The following DNMBP variants were observed in gnomAD, a reference collection of about 807,000 sequenced individuals.
DNMBP encodes the protein dynamin-binding protein.
Under a neutral mutation model 150.0 loss-of-function variants are expected in DNMBP, and 87 were observed. That is an observed-to-expected ratio of 0.58 (90% confidence interval 0.49 to 0.69). The LOEUF is 0.69. Ranked by LOEUF, DNMBP falls within the 30% of genes least tolerant of loss-of-function variation. The pLI is 0.00. For synonymous variants in DNMBP, 711 were observed against 750.4 expected (o/e 0.95, Z 0.86); for missense variants, 1,774 against 1,949.0 (o/e 0.91, Z 1.69).
At chr10:99,915,126 T>C (rs1367423132) in intron 4 of DNMBP, among the ~76,000 whole-genome samples, 1 of 140,278 alleles carries the variant, frequency 7.1e-6, no homozygotes. Flanking sequence ...TATATATATA[T>C]ATACACACAC....
chr10:99,947,936 C>T (rs1170182868), intron 4 of DNMBP, among the ~76,000 whole-genome samples: 4 of 152,036 alleles, frequency 2.6e-5, no homozygotes, highest in Admixed American at 6.6e-5. Context: ...TATATGGAAG[C>T]TCTTATTTTT....
At chr10:99,930,578 T>A (rs1234814456) in intron 4 of DNMBP, 2 of 702,942 alleles carry the variant, frequency 2.8e-6, no homozygotes, top group Admixed American at 4.0e-5. Flanking sequence ...AATCCCTTTT[T>A]CTGTAGGGCT....
In DNMBP at chr10:99,886,600, G is replaced by C. The variant is rs35277675; in HGVS notation, c.3318C>G (p.Pro1106=). 1 of 1,613,992 alleles carries C rather than the reference G, an allele frequency of 6.2e-7. No individual in the cohort carries two copies. Among genetic ancestry groups the C allele is most frequent in the Non-Finnish European group, 8.5e-7 (1 of 1,179,912 alleles). The change falls in exon 13 of 17, where the codon CCC becomes CCG. Residue 1106 remains proline (P), a synonymous_variant. Transcript: ENST00000324109. The part of the protein sequence containing the change: ...KERTERLVIS[P]LNQLLSMFTG... ...TAAACATGCTCAGTAACTGATTTAA[G>C]GGGGAGATGACAAGCCGCTCTGTCC... is the stretch of plus-strand genomic sequence containing the variant.
At chr10:99,921,864 G>GAA (rs34344466) in intron 4 of DNMBP, among the ~76,000 whole-genome samples, 399 of 23,744 alleles carry the variant, frequency 0.017, 106 homozygotes, top group Admixed American at 0.037. Context: ...GATTCCATCT[G>GAA]AAAAAAAAAA....
chr10:99,892,484 G>A (rs1322800655), intron 11 of DNMBP, among the ~76,000 whole-genome samples: 1 of 127,338 alleles, frequency 7.9e-6, no homozygotes, highest in South Asian at 2.9e-4. Flanking sequence ...TCTGAAACAT[G>A]TGCTGTGTCC....
chr10:99,979,738 G>A (rs191421201), intron 1 of DNMBP, among the ~76,000 whole-genome samples: 1 of 152,258 alleles, frequency 6.6e-6, no homozygotes, highest in East Asian at 1.9e-4. Flanking sequence ...TTTCAATCTG[G>A]CATTTCTAAA....
chr10:99,952,353 G>A (rs1470362347), intron 4 of DNMBP, among the ~76,000 whole-genome samples: 4 of 152,220 alleles, frequency 2.6e-5, no homozygotes, highest in African/African-American at 9.6e-5. Flanking sequence ...AGAATCTGGA[G>A]TTTGCTAGGG....
At chr10:99,998,882 T>C (rs1181619770) in intron 1 of DNMBP, among the ~76,000 whole-genome samples, 2 of 152,188 alleles carry the variant, frequency 1.3e-5, no homozygotes, top group Non-Finnish European at 2.9e-5. Context: ...AGATTTTAAA[T>C]TGAGTGTTGG....
At chr10:99,932,906 T>C (rs1165309402) in intron 4 of DNMBP, among the ~76,000 whole-genome samples, 2 of 151,790 alleles carry the variant, frequency 1.3e-5, no homozygotes, top group Admixed American at 6.6e-5. Flanking sequence ...AAGTGATCCG[T>C]TCCTAAGGAA....
intron 11 of DNMBP, among the ~76,000 whole-genome samples, chr10:99,890,667 G>GA (rs1253295319): frequency 2.0e-5 from 3 of 152,240 alleles, no homozygotes; most frequent in Admixed American, 2.0e-4. Flanking sequence ...TATTTTTCTT[G>GA]AGATGGAGTC....
chr10:99,882,794 G>C (rs758639979), intron 15 of DNMBP, among the ~76,000 whole-genome samples: 1 of 152,176 alleles, frequency 6.6e-6, no homozygotes, highest in East Asian at 1.9e-4. Context: ...GCCAGGTGCC[G>C]TGGCTCATGC....
chr10:99,903,072 C>A (rs980727718), intron 6 of DNMBP, among the ~76,000 whole-genome samples: 5 of 151,200 alleles, frequency 3.3e-5, no homozygotes, highest in African/African-American at 1.2e-4. Flanking sequence ...GAACCTGGGA[C>A]TACAGGTATG....
rs1564745348 is a variant in DNMBP at position 99,956,196 on chromosome 10, T to C, written c.1278A>G (p.Lys426=). 1.2e-6 allele frequency: 2 copies of C among 1,614,038 alleles called. No individual in the cohort carries two copies. Among genetic ancestry groups the C allele is most frequent in the Non-Finnish European group, 1.7e-6 (2 of 1,180,008 alleles). ...PQVPFHPNLQ[K]SQYYSTVGGS... ...CTCCCACTGTAGAATAATACTGGCT[T>C]TTCTGCAAGTTGGGATGAAAAGGGA... The change falls in exon 4 of 17, where the codon AAA becomes AAG. Residue 426 remains lysine, a synonymous_variant. Transcript: ENST00000324109.
At chr10:99,909,698 T>C (rs920724593) in intron 4 of DNMBP, among the ~76,000 whole-genome samples, 6 of 152,150 alleles carry the variant, frequency 3.9e-5, no homozygotes, top group African/African-American at 1.4e-4. Context: ...TAGCATATAA[T>C]GAAATAGGTA....
In DNMBP at chr10:99,960,647, A is replaced by C. The variant is rs544314055; in HGVS notation, c.269-3442T>G. On this transcript the variant is annotated intron_variant, in intron 3 of 16. Transcript: ENST00000324109. ...CATGGTGAAACCCTGTGTCTACTAA[A>C]AATACAAAATTAGCCAGGTGGGGGG... 3.9e-5 allele frequency among the ~76,000 whole-genome samples: 6 copies of C among 152,144 alleles called. No homozygotes were observed. The South Asian group carries it at 1.2e-3, about 32-fold the overall frequency.
intron 1 of DNMBP, among the ~76,000 whole-genome samples, chr10:100,000,224 G>A (rs543806515): frequency 1.3e-5 from 2 of 152,294 alleles, no homozygotes; most frequent in Admixed American, 6.5e-5. Context: ...CAGGGGAGGG[G>A]AGGAAAGAAC....
chr10:100,007,133 C>T (rs2041080909), intron 1 of DNMBP, among the ~76,000 whole-genome samples: 2 of 151,918 alleles, frequency 1.3e-5, no homozygotes, highest in South Asian at 4.2e-4. Context: ...AAAAAGTTAT[C>T]TCAGTAGAGG....
chr10:100,003,902 A>G (rs746441119), intron 1 of DNMBP, among the ~76,000 whole-genome samples: 1 of 152,072 alleles, frequency 6.6e-6, no homozygotes, highest in Non-Finnish European at 1.5e-5. Flanking sequence ...CAAATAATTT[A>G]TAAACTCAAT....
chr10:99,948,302 C>T (rs2040381508), intron 4 of DNMBP, among the ~76,000 whole-genome samples: 1 of 152,176 alleles, frequency 6.6e-6, no homozygotes, highest in African/African-American at 2.4e-5. Flanking sequence ...ATCTCTACTA[C>T]TATTCAAGAA....
Sources: allele counts gnomAD v4.1 joint callset (sites outside exome capture counted in the v4.1 genomes callset), GRCh38; gene constraint gnomAD v4.1.1; transcripts MANE v1.5; gene names NCBI Gene and HGNC (gene_info 2026-07-23, HGNC 2026-07-21).